The following LYPD6B variants were observed in gnomAD, a reference collection of about 807,000 sequenced individuals.
LYPD6B encodes the protein LY6/PLAUR domain containing 6B.
In LYPD6B, 17 loss-of-function variants were observed where a neutral mutation model predicts 22.8. The observed-to-expected ratio is 0.75, with a 90% CI of 0.51 to 1.12. The LOEUF is 1.12. LYPD6B is among the 50% of genes most tolerant of loss of function. The pLI is 0.00. For synonymous variants in LYPD6B, 106 were observed against 91.6 expected, an observed-to-expected ratio of 1.16 and a Z score of -0.90; for missense variants, 221 against 258.3, an observed-to-expected ratio of 0.86 and a Z score of 0.99.
intron 2 of LYPD6B, among the ~76,000 whole-genome samples, chr2:149,136,004 T>C (rs1179954481): frequency 6.6e-6 from 1 of 152,142 alleles, no homozygotes; most frequent in African/African-American, 2.4e-5. Context: ...TTCATATCTT[T>C]CCATGGCTTT....
chr2:149,197,466 C>T (rs373582110), intron 3 of LYPD6B, among the ~76,000 whole-genome samples: 4 of 152,032 alleles, frequency 2.6e-5, no homozygotes, highest in Admixed American at 2.6e-4. Context: ...GAGCCGAGAT[C>T]GCACCACTGC....
chr2:149,134,844 C>T (rs1176309296), intron 2 of LYPD6B, among the ~76,000 whole-genome samples: 1 of 152,104 alleles, frequency 6.6e-6, no homozygotes, highest in Non-Finnish European at 1.5e-5. Context: ...CAAAGAGTAG[C>T]GAGGCATGCA....
At chr2:149,123,755 G>C (rs890817085) in intron 1 of LYPD6B, among the ~76,000 whole-genome samples, 1 of 152,152 alleles carries the variant, frequency 6.6e-6, no homozygotes, top group Non-Finnish European at 1.5e-5. Flanking sequence ...ACTCACTCGG[G>C]AGGCTGAGGC....
chr2:149,198,551 T>C (rs1692964099), intron 3 of LYPD6B, among the ~76,000 whole-genome samples: 1 of 152,184 alleles, frequency 6.6e-6, no homozygotes, highest in Admixed American at 6.5e-5. Context: ...CCACCCAAAT[T>C]ATACACTTAT....
chr2:149,129,988 C>T (rs1262531756), intron 1 of LYPD6B, among the ~76,000 whole-genome samples: 3 of 152,194 alleles, frequency 2.0e-5, no homozygotes, highest in African/African-American at 7.2e-5. Flanking sequence ...ACCTTTCGTC[C>T]AGGAGCCTGG....
At chr2:149,210,447 C>G (rs1311642545) in intron 5 of LYPD6B, among the ~76,000 whole-genome samples, 1 of 152,178 alleles carries the variant, frequency 6.6e-6, no homozygotes, top group African/African-American at 2.4e-5. Flanking sequence ...AGGCAGGTCC[C>G]AAAGATACTA....
intron 3 of LYPD6B, 127 bp downstream of exon 3, chr2:149,160,962 G>A: frequency 1.4e-6 from 1 of 720,628 alleles, no homozygotes; most frequent in Non-Finnish European, 2.4e-6. Context: ...AGTTTGCCAG[G>A]TTTCCCATCC....
At chr2:149,182,012 C>T (rs1209036578) in intron 3 of LYPD6B, among the ~76,000 whole-genome samples, 2 of 152,126 alleles carry the variant, frequency 1.3e-5, no homozygotes, top group Non-Finnish European at 2.9e-5. Context: ...TTGCCTAAGC[C>T]CCTTGACCTC....
chr2:149,196,413 A>G (rs745805874), intron 3 of LYPD6B, among the ~76,000 whole-genome samples: 1 of 152,204 alleles, frequency 6.6e-6, no homozygotes, highest in Non-Finnish European at 1.5e-5. Flanking sequence ...ATCTACAAAC[A>G]TGTTCTTTAC....
At chr2:149,097,186 C>A (rs1196119098) in intron 1 of LYPD6B, among the ~76,000 whole-genome samples, 1 of 152,250 alleles carries the variant, frequency 6.6e-6, no homozygotes, top group Non-Finnish European at 1.5e-5. Context: ...CCCTGCACCG[C>A]CACCCCTGCG....
At chr2:149,192,658 A>C (rs1692570375) in intron 3 of LYPD6B, among the ~76,000 whole-genome samples, 1 of 152,020 alleles carries the variant, frequency 6.6e-6, no homozygotes, top group Admixed American at 6.6e-5. Context: ...CTTACCTCAC[A>C]GGGATGTGGA....
chr2:149,045,751 A>C (rs1229718062), intron 1 of LYPD6B, among the ~76,000 whole-genome samples: 1 of 152,114 alleles, frequency 6.6e-6, no homozygotes, highest in Non-Finnish European at 1.5e-5. Flanking sequence ...ATTATCCTAG[A>C]ATATGACTTG....
At chr2:149,089,732 G>GT (rs1202572289) in intron 1 of LYPD6B, among the ~76,000 whole-genome samples, 2 of 152,138 alleles carry the variant, frequency 1.3e-5, no homozygotes, top group African/African-American at 4.8e-5. Context: ...GTACTGGTTG[G>GT]TTTTAATTGT....
chr2:149,075,085 T>C (rs17432137), intron 1 of LYPD6B, among the ~76,000 whole-genome samples: 49,842 of 152,162 alleles, frequency 0.33, 8,946 homozygotes, highest in South Asian at 0.44. Context: ...ATCAGTCATA[T>C]GGAGCTGTAT....
chr2:149,211,794 C>A (rs917759149), intron 5 of LYPD6B, among the ~76,000 whole-genome samples: 1 of 152,154 alleles, frequency 6.6e-6, no homozygotes, highest in Admixed American at 6.5e-5. Context: ...AGAAGCATTT[C>A]ATTGGCCTCT....
At chr2:149,053,222 T>C (rs1460196371) in intron 1 of LYPD6B, among the ~76,000 whole-genome samples, 1 of 152,142 alleles carries the variant, frequency 6.6e-6, no homozygotes, top group African/African-American at 2.4e-5. Context: ...AAAAACAAAA[T>C]AGGATCATAC....
At chr2:149,093,265 T>C (rs1249338268) in intron 1 of LYPD6B, among the ~76,000 whole-genome samples, 1 of 152,054 alleles carries the variant, frequency 6.6e-6, no homozygotes, top group Admixed American at 6.5e-5. Flanking sequence ...TGGTGGAGGC[T>C]AGTCTCCAAG....
chr2:149,097,447 A>C (rs1248787872), intron 1 of LYPD6B, among the ~76,000 whole-genome samples: 1 of 152,224 alleles, frequency 6.6e-6, no homozygotes, highest in East Asian at 1.9e-4. Context: ...AATTACAGTA[A>C]ATAGCAACTA....
At chr2:149,157,223 T>G (rs558626227) in intron 2 of LYPD6B, among the ~76,000 whole-genome samples, 1 of 152,258 alleles carries the variant, frequency 6.6e-6, no homozygotes, top group African/African-American at 2.4e-5. Flanking sequence ...TGTCTCCTGT[T>G]TTAGAGGCAA....
Sources: allele counts gnomAD v4.1 joint callset (sites outside exome capture counted in the v4.1 genomes callset), GRCh38; gene constraint gnomAD v4.1.1; transcripts MANE v1.5; gene names NCBI Gene and HGNC (gene_info 2026-07-23, HGNC 2026-07-21).